GIPC2: variants seen among roughly 807,000 people sequenced by gnomAD.
The protein encoded by GIPC2 is PDZ domain-containing protein GIPC2.
GIPC2 carries 30 observed loss-of-function variants against 30.6 expected under a neutral mutation model. The observed-to-expected ratio is 0.98, with a 90% CI of 0.73 to 1.33. GIPC2 has a LOEUF of 1.33. Among genes scored for constraint, GIPC2 ranks in the 40% most tolerant of loss-of-function variants. GIPC2 has a pLI of 0.00. For synonymous variants in GIPC2, 167 were observed against 150.0 expected, an observed-to-expected ratio of 1.11 and a Z score of -0.83; for missense variants, 414 against 390.3, an observed-to-expected ratio of 1.06 and a Z score of -0.51.
rs375368624 is a variant in GIPC2 at position 78,134,680 on chromosome 1, C to G, written c.797-912C>G. ...ATGGGAAGAGGCATAGCTTTTATCT[C>G]TCTAGACCTTGTGGCTCGTTCAGAG... On this transcript the variant is annotated intron_variant, in intron 5 of 5. Transcript: ENST00000370759. Among the ~76,000 whole-genome samples, 193 of 152,324 alleles carry G rather than the reference C, an allele frequency of 1.3e-3. 2 individuals are homozygous for G. In the South Asian group the frequency reaches 0.039, roughly 31 times the overall value.
chr1:78,095,078 T>A lies in GIPC2; in HGVS notation c.553T>A (p.Leu185Ile). The A allele has an allele frequency of 1.2e-6, 2 of 1,612,380 alleles. No homozygotes were observed. Among genetic ancestry groups the A allele is most frequent in the South Asian group, 1.1e-5 (1 of 91,010 alleles). Residue 185 changes from leucine to isoleucine, a missense_variant, in exon 3 of 6, where the codon TTA becomes ATA. Physicochemically the swap from Leu to Ile is conservative, Grantham distance 5. Transcript: ENST00000370759. ...HYDVAKKLKE[L>I]KKEELFTMKL... ...TGATGTTGCTAAGAAGTTAAAGGAA[T>A]TAAAAAAGGAGGAACTCTTTACTAT...
In GIPC2 at chr1:78,095,126, G is replaced by T. The variant is rs1041388696; in HGVS notation, c.601G>T (p.Ala201Ser). Residue 201 changes from alanine (A) to serine (S), a missense_variant, in exon 3 of 6, where the codon GCA (alanine) becomes TCA (serine). Coordinates refer to ENST00000370759, the MANE Select transcript of GIPC2 (RefSeq NM_017655.6). ...TATGAAGTTAATAGAACCTAAGAAG[G>T]CATTTGGTAAGTCAGGGGTTGGTGG... ...FTMKLIEPKK[A>S]FEIELRSKAG... The T allele has an allele frequency of 6.2e-7, 1 of 1,609,706 alleles. No individual in the cohort carries two copies. Among genetic ancestry groups the T allele is most frequent in the East Asian group, 2.2e-5 (1 of 44,820 alleles).
chr1:78,097,618 C>T (rs1208966459), intron 3 of GIPC2, among the ~76,000 whole-genome samples: 1 of 152,148 alleles, frequency 6.6e-6, no homozygotes, highest in Non-Finnish European at 1.5e-5. Flanking sequence ...ATTTTAGGTC[C>T]ACCACTAGCT....
At chr1:78,082,080 C>T (rs888065172) in intron 2 of GIPC2, among the ~76,000 whole-genome samples, 16 of 152,104 alleles carry the variant, frequency 1.1e-4, no homozygotes, top group South Asian at 2.1e-4. Flanking sequence ...CCACTATTTT[C>T]GGCTTCTTTT....
At position 78,074,973 on chromosome 1, in the gene GIPC2, C is replaced by G. The variant is rs182780485; in HGVS notation, c.241-5702C>G. On this transcript the variant is annotated intron_variant, in intron 1 of 5. Transcript: ENST00000370759. Reference sequence around the variant, plus strand: ...TATAAAGATACAAGGCATAATGATTCTATCAGTTAGGAACCTTTTAGTTGA... The same window carrying G: ...TATAAAGATACAAGGCATAATGATTGTATCAGTTAGGAACCTTTTAGTTGA... 3.7e-4 allele frequency among the ~76,000 whole-genome samples: 57 copies of G among 152,284 alleles called. 2 individuals are homozygous for G. The East Asian group carries it at 0.011, about 29-fold the overall frequency.
At chr1:78,082,976 T>TACTTAGTACTTAC (rs1661860679) in intron 2 of GIPC2, among the ~76,000 whole-genome samples, 2 of 152,138 alleles carry the variant, frequency 1.3e-5, no homozygotes, top group Non-Finnish European at 2.9e-5. Flanking sequence ...TACCCCTTAG[T>TACTTAGTACTTAC]ACTTCAGAGT....
chr1:78,116,184 A>C (rs1227586371), intron 3 of GIPC2, among the ~76,000 whole-genome samples: 1 of 152,182 alleles, frequency 6.6e-6, no homozygotes, highest in African/African-American at 2.4e-5. Flanking sequence ...CAAAACCATC[A>C]GATTTCATGA....
At chr1:78,071,236 C>G (rs1661611805) in intron 1 of GIPC2, among the ~76,000 whole-genome samples, 1 of 151,938 alleles carries the variant, frequency 6.6e-6, no homozygotes, top group Admixed American at 6.6e-5. Flanking sequence ...TACAAAGAAA[C>G]AAATGTAACT....
intron 1 of GIPC2, among the ~76,000 whole-genome samples, chr1:78,058,631 C>G (rs546699068): frequency 6.6e-6 from 1 of 152,154 alleles, no homozygotes; most frequent in Admixed American, 6.5e-5. Flanking sequence ...AGAAAAAATG[C>G]CTCCAGTTGT....
intron 3 of GIPC2, among the ~76,000 whole-genome samples, chr1:78,106,419 G>T (rs1427743557): frequency 6.6e-6 from 1 of 151,680 alleles, no homozygotes; most frequent in Admixed American, 6.6e-5. Context: ...AATTAGCCAG[G>T]CATGGTGGCA....
At chr1:78,052,470 C>G (rs775445371) in intron 1 of GIPC2, among the ~76,000 whole-genome samples, 9 of 152,042 alleles carry the variant, frequency 5.9e-5, no homozygotes, top group Admixed American at 1.3e-4. Flanking sequence ...TAGTTAAAAC[C>G]TAGTGTCTTT....
At chr1:78,114,770 C>G (rs1438786083) in intron 3 of GIPC2, among the ~76,000 whole-genome samples, 1 of 152,034 alleles carries the variant, frequency 6.6e-6, no homozygotes, top group African/African-American at 2.4e-5. Flanking sequence ...ATGTGTAACA[C>G]CAAGAGTGAA....
At chr1:78,070,347 G>C (rs556605356) in intron 1 of GIPC2, among the ~76,000 whole-genome samples, 1 of 152,258 alleles carries the variant, frequency 6.6e-6, no homozygotes, top group African/African-American at 2.4e-5. Flanking sequence ...TGTTAAACAA[G>C]AGGAGGCTTT....
intron 3 of GIPC2, among the ~76,000 whole-genome samples, chr1:78,099,593 C>T (rs529681504): frequency 6.6e-6 from 1 of 151,974 alleles, no homozygotes; most frequent in South Asian, 2.1e-4. Flanking sequence ...CACGTGCCAC[C>T]GTGCTCGGCT....
intron 4 of GIPC2, among the ~76,000 whole-genome samples, chr1:78,125,246 C>T (rs185376479): frequency 6.6e-6 from 1 of 152,220 alleles, no homozygotes; most frequent in East Asian, 1.9e-4. Context: ...TGCCATGTTG[C>T]CCAGGCTTGT....
chr1:78,104,098 G>A (rs1662299546), intron 3 of GIPC2, among the ~76,000 whole-genome samples: 1 of 151,612 alleles, frequency 6.6e-6, no homozygotes, highest in Non-Finnish European at 1.5e-5. Context: ...TTGAAGCCTG[G>A]GAGATGGGGA....
chr1:78,100,290 A>G (rs1662216955), intron 3 of GIPC2, among the ~76,000 whole-genome samples: 3 of 152,370 alleles, frequency 2.0e-5, no homozygotes, highest in South Asian at 4.1e-4. Flanking sequence ...TAATTGTTTT[A>G]AATGAGCTAT....
chr1:78,101,864 A>G (rs920275158), intron 3 of GIPC2, among the ~76,000 whole-genome samples: 2 of 152,234 alleles, frequency 1.3e-5, no homozygotes, highest in African/African-American at 2.4e-5. Context: ...TCCCAAGGCC[A>G]TGAAAATCCC....
intron 1 of GIPC2, among the ~76,000 whole-genome samples, chr1:78,055,680 A>AG (rs1661275852): frequency 6.6e-6 from 1 of 151,990 alleles, no homozygotes; most frequent in East Asian, 1.9e-4. Flanking sequence ...ATCTTATTAA[A>AG]CTTCCTAAGA....
Sources: gnomAD v4.1 joint callset for allele counts (sites outside exome capture counted in the v4.1 genomes callset) on GRCh38, gnomAD v4.1.1 for gene constraint, MANE v1.5 for transcripts, NCBI Gene and HGNC (gene_info 2026-07-23, HGNC 2026-07-21) for gene names.